GFRAL: variants seen among roughly 807,000 people sequenced by gnomAD.
The protein encoded by GFRAL is GDNF family receptor alpha-like.
GFRAL carries 36 observed loss-of-function variants against 45.4 expected under a neutral mutation model. The observed-to-expected ratio is 0.79, with a 90% CI of 0.61 to 1.05. GFRAL has a LOEUF of 1.05. Ranked by LOEUF, GFRAL falls within the 50% of genes least tolerant of loss-of-function variation. The probability of loss-of-function intolerance (pLI) is 0.00; values close to 1 mark genes in which losing one functional copy is unlikely to be tolerated. For missense variants in GFRAL, 507 were observed against 467.5 expected (o/e 1.08, Z -0.78); for synonymous variants, 166 against 154.1 (o/e 1.08, Z -0.57).
chr6:55,341,239 T>C (rs1767960526), intron 3 of GFRAL, among the ~76,000 whole-genome samples: 1 of 152,254 alleles, frequency 6.6e-6, no homozygotes, highest in South Asian at 2.1e-4. Context: ...AGTGGGTCCC[T>C]GACCCCCAAG....
At chr6:55,352,865 CCTA>C (rs1768136113) in intron 5 of GFRAL, among the ~76,000 whole-genome samples, 1 of 151,970 alleles carries the variant, frequency 6.6e-6, no homozygotes, top group South Asian at 2.1e-4. Flanking sequence ...TTATCAAGCA[CCTA>C]CTACTACTCT....
At chr6:55,355,576 T>G (rs1461086322) in intron 5 of GFRAL, among the ~76,000 whole-genome samples, 1 of 152,096 alleles carries the variant, frequency 6.6e-6, no homozygotes, top group African/African-American at 2.4e-5. Flanking sequence ...GTTAATTTTA[T>G]ATCTTGCAAC....
At chr6:55,383,308 T>G (rs1768636666) in intron 6 of GFRAL, among the ~76,000 whole-genome samples, 1 of 151,966 alleles carries the variant, frequency 6.6e-6, no homozygotes, top group African/African-American at 2.4e-5. Context: ...TTGAGGACAT[T>G]TTAAGAAGAC....
intron 6 of GFRAL, among the ~76,000 whole-genome samples, chr6:55,397,494 C>T (rs965296690): frequency 5.4e-5 from 6 of 110,960 alleles, no homozygotes; most frequent in African/African-American, 7.0e-5. Flanking sequence ...GTCCGCAGTC[C>T]GGCCTGGGCG....
At chr6:55,373,717 G>A (rs1319462633) in intron 6 of GFRAL, among the ~76,000 whole-genome samples, 1 of 151,578 alleles carries the variant, frequency 6.6e-6, no homozygotes, top group East Asian at 1.9e-4. Context: ...GGCCTTTTAT[G>A]ACTGGAGATA....
At chr6:55,384,369 C>T (rs886803605) in intron 6 of GFRAL, among the ~76,000 whole-genome samples, 36 of 151,974 alleles carry the variant, frequency 2.4e-4, no homozygotes, top group Admixed American at 2.2e-3. Context: ...TAAAAATAAA[C>T]TATTACTATA....
chr6:55,363,956 A>G (rs1768317127), intron 6 of GFRAL, among the ~76,000 whole-genome samples: 1 of 148,894 alleles, frequency 6.7e-6, no homozygotes, highest in Non-Finnish European at 1.5e-5. Context: ...TATACCCAGT[A>G]ATGGGATGGC....
chr6:55,348,237 A>AT (rs1768068988), intron 3 of GFRAL, among the ~76,000 whole-genome samples: 2 of 150,316 alleles, frequency 1.3e-5, no homozygotes, highest in Admixed American at 6.7e-5. Flanking sequence ...GGAAAAAATG[A>AT]GTGTGTGTGT....
chr6:55,392,021 A>G (rs1035455021), intron 6 of GFRAL, among the ~76,000 whole-genome samples: 1 of 152,204 alleles, frequency 6.6e-6, no homozygotes, highest in Admixed American at 6.5e-5. Context: ...AAACCAACCT[A>G]TATACCAAGA....
At chr6:55,401,693 C>T in intron 8 of GFRAL, 97 bp from the exon 9 acceptor site, 1 of 746,866 alleles carries the variant, frequency 1.3e-6, no homozygotes, top group Admixed American at 2.1e-5. Flanking sequence ...GTTTTTTCCT[C>T]CAGGTGCAGA....
chr6:55,349,763 GT>G (rs59006121), intron 3 of GFRAL, among the ~76,000 whole-genome samples: 65,203 of 138,608 alleles, frequency 0.47, 15,120 homozygotes, highest in Non-Finnish European at 0.56. Context: ...TATTCCTTCT[GT>G]TTTTTTTTTT....
chr6:55,358,824 G>GA (rs1768230726), intron 5 of GFRAL, 64 bp from the exon 6 acceptor site: 3 of 1,459,926 alleles, frequency 2.1e-6, no homozygotes, highest in Admixed American at 1.7e-5. Flanking sequence ...GGTGAGGGGG[G>GA]ATCACATGTT....
intron 6 of GFRAL, among the ~76,000 whole-genome samples, chr6:55,388,869 G>A (rs1334484819): frequency 1.3e-5 from 2 of 152,050 alleles, no homozygotes; most frequent in African/African-American, 4.8e-5. Context: ...TTTTAAAGGA[G>A]TTTTCGTAAG....
At chr6:55,393,193 C>T (rs1244704674) in intron 6 of GFRAL, among the ~76,000 whole-genome samples, 1 of 152,090 alleles carries the variant, frequency 6.6e-6, no homozygotes, top group East Asian at 1.9e-4. Flanking sequence ...AATTTGTTTT[C>T]CTGGATTCTA....
intron 3 of GFRAL, among the ~76,000 whole-genome samples, chr6:55,340,880 C>T (rs556253627): frequency 3.3e-5 from 5 of 152,274 alleles, no homozygotes; most frequent in African/African-American, 4.8e-5. Flanking sequence ...GATTATATCC[C>T]GTGCCTGGCT....
chr6:55,377,457 A>G (rs1275406353), intron 6 of GFRAL, among the ~76,000 whole-genome samples: 1 of 152,062 alleles, frequency 6.6e-6, no homozygotes, highest in East Asian at 1.9e-4. Flanking sequence ...TAGTGATTCC[A>G]AATGTTTCTA....
At chr6:55,384,188 G>A (rs982191226) in intron 6 of GFRAL, among the ~76,000 whole-genome samples, 9 of 151,854 alleles carry the variant, frequency 5.9e-5, no homozygotes, top group African/African-American at 2.2e-4. Flanking sequence ...GGGTTGATAG[G>A]TGCAGCAAAC....
At chr6:55,327,982 G>C (rs551303214) in intron 1 of GFRAL, among the ~76,000 whole-genome samples, 23 of 151,714 alleles carry the variant, frequency 1.5e-4, no homozygotes, top group Non-Finnish European at 3.2e-4. Flanking sequence ...TATTTATTTT[G>C]CTTTGAAATT....
Position 55,387,750 on chromosome 6 carries a change from C to T in GFRAL, c.953-11430C>T, listed in dbSNP as rs192968191. Reference sequence around the variant, plus strand: ...ATCTGCTGGAGTTCTTTTCATGGGTCCAAGAAAATCCTTTACAACATTGCA... The same window carrying T: ...ATCTGCTGGAGTTCTTTTCATGGGTTCAAGAAAATCCTTTACAACATTGCA... On this transcript the variant is annotated intron_variant, in intron 6 of 8. Coordinates refer to ENST00000340465, the MANE Select transcript of GFRAL (RefSeq NM_207410.2). 2.0e-5 allele frequency among the ~76,000 whole-genome samples: 3 copies of T among 152,148 alleles called. No individual in the cohort carries two copies. The East Asian group carries it at 5.8e-4, about 29-fold the overall frequency.
Sources: allele counts gnomAD v4.1 joint callset (sites outside exome capture counted in the v4.1 genomes callset), GRCh38; gene constraint gnomAD v4.1.1; transcripts MANE v1.5; gene names NCBI Gene and HGNC (gene_info 2026-07-23, HGNC 2026-07-21).